Variants in NYAP2 observed in about 807,000 individuals in gnomAD.
The protein encoded by NYAP2 is neuronal tyrosine-phosphorylated phosphoinositide-3-kinase adaptor 2, also known as neuronal tyrosine-phosphorylated phosphoinositide-3-kinase adapter 2.
NYAP2 carries 23 observed loss-of-function variants against 50.4 expected under a neutral mutation model. The observed-to-expected ratio is 0.46, with a 90% CI of 0.33 to 0.65. The LOEUF (loss-of-function observed/expected upper bound fraction) is 0.65. NYAP2 is among the 30% of genes least tolerant of loss of function. The probability of loss-of-function intolerance (pLI) is 0.02; values close to 1 mark genes in which losing one functional copy is unlikely to be tolerated. For missense variants in NYAP2, 885 were observed against 861.0 expected (o/e 1.03, Z -0.35); for synonymous variants, 394 against 365.2 (o/e 1.08, Z -0.90).
chr2:225,624,074 T>C (rs1693168327), intron 5 of NYAP2, among the ~76,000 whole-genome samples: 1 of 152,232 alleles, frequency 6.6e-6, no homozygotes, highest in African/African-American at 2.4e-5. Flanking sequence ...AGTAAACATG[T>C]ATTATTGGAG....
the NYAP2 span, among the ~76,000 whole-genome samples, chr2:225,684,145 C>CAAACTCTCTGACAGGTATTGGAGACA: frequency 6.6e-6 from 1 of 152,252 alleles, no homozygotes; most frequent in East Asian, 1.9e-4. Context: ...CAGAGAGACA[C>CAAACTCTCTGACAGGTATTGGAGACA]AAACTCCAAT....
At chr2:225,480,119 G>A (rs957062181) in intron 3 of NYAP2, among the ~76,000 whole-genome samples, 1 of 151,950 alleles carries the variant, frequency 6.6e-6, no homozygotes, top group African/African-American at 2.4e-5. Context: ...AATTGTTTCT[G>A]GCAGCCTGAG....
At chr2:225,439,481 A>G (rs2106139590) in intron 3 of NYAP2, among the ~76,000 whole-genome samples, 1 of 152,322 alleles carries the variant, frequency 6.6e-6, no homozygotes, top group Non-Finnish European at 1.5e-5. Flanking sequence ...GTGGGTCACT[A>G]CAGATTTCAG....
intron 4 of NYAP2, among the ~76,000 whole-genome samples, chr2:225,554,910 A>G (rs1218715097): frequency 6.6e-6 from 1 of 152,188 alleles, no homozygotes; most frequent in Non-Finnish European, 1.5e-5. Context: ...TTAAATATAC[A>G]TGATAAAATG....
At chr2:225,528,651 A>G (rs577933770) in intron 4 of NYAP2, among the ~76,000 whole-genome samples, 11 of 152,332 alleles carry the variant, frequency 7.2e-5, no homozygotes, top group Non-Finnish European at 1.2e-4. Context: ...TTGACCCAGC[A>G]TGGGAACTGG....
At chr2:225,622,560 TTTCTTTCTTTCTTTCTTTC>T (rs1693133897) in intron 5 of NYAP2, among the ~76,000 whole-genome samples, 2 of 19,772 alleles carry the variant, frequency 1.0e-4, no homozygotes, top group Admixed American at 7.2e-4. Context: ...TTTCTTTCTT[TTTCTTTCTTTCTTTCTTTC>T]TTCTTTCTTT....
chr2:225,549,811 CCT>C (rs1411675614), intron 4 of NYAP2, among the ~76,000 whole-genome samples: 6 of 151,890 alleles, frequency 4.0e-5, no homozygotes, highest in South Asian at 2.1e-4. Context: ...GTGAAACCCC[CCT>C]GTTTGTACTA....
In NYAP2 at chr2:225,528,125, G is replaced by A. The variant is rs776359328; in HGVS notation, c.523+14453G>A. On this transcript the variant is annotated intron_variant, in intron 4 of 6. Transcript: ENST00000636099. ...TTATACAGGGTATAAACTCCAGAGG[G>A]CAGGAATCTTGTGTCCAACCTAGAA... Among the ~76,000 whole-genome samples, 76 of 152,262 alleles carry A rather than the reference G, an allele frequency of 5.0e-4. 1 individual carries two copies. Among genetic ancestry groups the A allele is most frequent in the Middle Eastern group, 6.8e-3 (2 of 294 alleles).
intron 3 of NYAP2, among the ~76,000 whole-genome samples, chr2:225,442,867 G>A (rs542299903): frequency 1.3e-5 from 2 of 152,280 alleles, no homozygotes; most frequent in African/African-American, 2.4e-5. Flanking sequence ...GTGCGCCACC[G>A]TGCCTGGCCA....
chr2:225,520,782 T>C lies in NYAP2; in HGVS notation c.523+7110T>C, dbSNP rs1296568861. Among the ~76,000 whole-genome samples, 6 of 152,356 alleles carry C rather than the reference T, an allele frequency of 3.9e-5. No homozygotes were observed. The East Asian group carries it at 1.2e-3, about 29-fold the overall frequency. On this transcript the variant is annotated intron_variant, in intron 4 of 6. Transcript: ENST00000636099. Reference sequence around the variant, plus strand: ...CTCTTTTTTGGTTCCATATGAACTTTAAAGTAGTTTTTTCCAATTCTGTGA... The same window carrying C: ...CTCTTTTTTGGTTCCATATGAACTTCAAAGTAGTTTTTTCCAATTCTGTGA...
chr2:225,473,044 T>C (rs1303912308), intron 3 of NYAP2, among the ~76,000 whole-genome samples: 2 of 152,144 alleles, frequency 1.3e-5, no homozygotes, highest in South Asian at 2.1e-4. Flanking sequence ...CACATATGAG[T>C]GAGAACATGC....
chr2:225,512,900 T>TTC (rs1690858416), intron 3 of NYAP2, among the ~76,000 whole-genome samples: 1 of 148,068 alleles, frequency 6.8e-6, no homozygotes, highest in Non-Finnish European at 1.5e-5. Flanking sequence ...TTCCTTCCTT[T>TTC]CCTTTCCTTT....
chr2:225,693,158 C>T, the NYAP2 span, among the ~76,000 whole-genome samples: 6 of 152,164 alleles, frequency 3.9e-5, no homozygotes, highest in Admixed American at 3.9e-4. Context: ...GCTCCAGAGT[C>T]CCTTTCAGGA....
chr2:225,561,296 C>T (rs1178155516), intron 4 of NYAP2, among the ~76,000 whole-genome samples: 1 of 151,934 alleles, frequency 6.6e-6, no homozygotes, highest in Non-Finnish European at 1.5e-5. Flanking sequence ...CTGGGGGAAG[C>T]ACATTCCAGA....
chr2:225,663,557 CT>C, the NYAP2 span, among the ~76,000 whole-genome samples: 11 of 151,396 alleles, frequency 7.3e-5, no homozygotes, highest in South Asian at 2.1e-4. Flanking sequence ...TTCTTTCTCA[CT>C]TTTTTTTTCT....
At chr2:225,416,500 C>A (rs1468129796) in intron 3 of NYAP2, among the ~76,000 whole-genome samples, 1 of 151,958 alleles carries the variant, frequency 6.6e-6, no homozygotes, top group East Asian at 1.9e-4. Context: ...CATCAAGTTT[C>A]CCAAGATGCT....
chr2:225,423,530 A>G (rs139632297), intron 3 of NYAP2, among the ~76,000 whole-genome samples: 348 of 152,292 alleles, frequency 2.3e-3, no homozygotes, highest in African/African-American at 7.9e-3. Flanking sequence ...TATTCTAGGA[A>G]CTATAACTTG....
intron 3 of NYAP2, among the ~76,000 whole-genome samples, chr2:225,447,526 C>T (rs925598290): frequency 6.6e-6 from 1 of 151,938 alleles, no homozygotes; most frequent in African/African-American, 2.4e-5. Flanking sequence ...GATCCCAAAC[C>T]TGATGTAGGC....
chr2:225,463,476 A>C (rs890182583), intron 3 of NYAP2, among the ~76,000 whole-genome samples: 1 of 152,260 alleles, frequency 6.6e-6, no homozygotes. Context: ...ACTTTGAAAA[A>C]TGTATTATTC....
Sources: gnomAD v4.1 joint callset for allele counts (sites outside exome capture counted in the v4.1 genomes callset) on GRCh38, gnomAD v4.1.1 for gene constraint, MANE v1.5 for transcripts, NCBI Gene and HGNC (gene_info 2026-07-23, HGNC 2026-07-21) for gene names.